Variants in NCOA7 observed in about 807,000 individuals in gnomAD.
NCOA7 encodes the protein nuclear receptor coactivator 7.
A neutral mutation model predicts 104.3 loss-of-function variants in NCOA7; 45 were observed. The ratio of observed to expected loss-of-function variants is 0.43; its 90% CI spans 0.34 to 0.55. The LOEUF (loss-of-function observed/expected upper bound fraction) is 0.55. NCOA7 is among the 20% of genes least tolerant of loss of function. The pLI is 0.02. For synonymous variants in NCOA7, 398 were observed against 402.3 expected (o/e 0.99, Z 0.13); for missense variants, 1,041 against 1,119.7 (o/e 0.93, Z 1.00).
At chr6:125,905,533 A>G (rs1785921107) in intron 10 of NCOA7, among the ~76,000 whole-genome samples, 1 of 152,186 alleles carries the variant, frequency 6.6e-6, no homozygotes, top group Non-Finnish European at 1.5e-5. Flanking sequence ...AAGTGCTGGG[A>G]TTACAGGCGT....
intron 1 of NCOA7, among the ~76,000 whole-genome samples, chr6:125,801,989 A>G (rs1023239256): frequency 3.9e-5 from 6 of 152,194 alleles, no homozygotes; most frequent in Admixed American, 2.0e-4. Context: ...TGTCTTGTCA[A>G]ATGATGCCTT....
intron 2 of NCOA7, among the ~76,000 whole-genome samples, chr6:125,842,556 T>C (rs1268898534): frequency 6.6e-6 from 1 of 152,206 alleles, no homozygotes; most frequent in African/African-American, 2.4e-5. Flanking sequence ...AGGTTTCCTT[T>C]ACTAAGGAAT....
intron 1 of NCOA7, among the ~76,000 whole-genome samples, chr6:125,807,708 G>T (rs1373386180): frequency 1.3e-5 from 2 of 152,156 alleles, no homozygotes; most frequent in Non-Finnish European, 2.9e-5. Context: ...GGCTGATAAG[G>T]GAGGCCTCTA....
At chr6:125,860,951 T>C (rs1040230384) in intron 3 of NCOA7, among the ~76,000 whole-genome samples, 1 of 152,216 alleles carries the variant, frequency 6.6e-6, no homozygotes. Context: ...TTAAGAAAAT[T>C]ATACTTGGGA....
At chr6:125,926,981 C>A (rs1385124099) in intron 13 of NCOA7, among the ~76,000 whole-genome samples, 1 of 152,132 alleles carries the variant, frequency 6.6e-6, no homozygotes, top group Non-Finnish European at 1.5e-5. Context: ...CCCCTTCCAT[C>A]CCCCGATAAG....
intron 13 of NCOA7, 92 bp from the exon 14 acceptor site, chr6:125,927,571 C>T: frequency 1.1e-6 from 1 of 928,504 alleles, no homozygotes. Context: ...TGAAATAGAT[C>T]TCAGAACATG....
intron 2 of NCOA7, among the ~76,000 whole-genome samples, chr6:125,833,941 G>A (rs1208752647): frequency 6.6e-6 from 1 of 152,016 alleles, no homozygotes; most frequent in Non-Finnish European, 1.5e-5. Flanking sequence ...TGATTCTACA[G>A]TGTTGTTTCC....
intron 6 of NCOA7, among the ~76,000 whole-genome samples, chr6:125,882,115 A>G (rs1470379618): frequency 6.6e-6 from 1 of 152,220 alleles, no homozygotes; most frequent in African/African-American, 2.4e-5. Flanking sequence ...CGGCCTCCCA[A>G]AGTGCTGGGA....
At chr6:125,899,957 A>T (rs1202319245) in intron 10 of NCOA7, 1 of 531,544 alleles carries the variant, frequency 1.9e-6, no homozygotes, top group South Asian at 1.4e-5. Context: ...TTTGGAGAAT[A>T]GCTGAGGGTC....
At chr6:125,867,685 G>A (rs1782550839) in intron 3 of NCOA7, among the ~76,000 whole-genome samples, 1 of 152,166 alleles carries the variant, frequency 6.6e-6, no homozygotes, top group Non-Finnish European at 1.5e-5. Context: ...TTGTGGTTTA[G>A]CCTCACATTA....
Position 125,905,016 on chromosome 6 carries a change from A to T in NCOA7, c.2097-10317A>T, listed in dbSNP as rs185576797. On this transcript the variant is annotated intron_variant, in intron 10 of 15. Transcript: ENST00000392477. ...GCAGCAGGTAGCAGCCAGGGTGAGT[A>T]ATTACTAGTAATTCTGTTCACTCAT... Among the ~76,000 whole-genome samples the T allele has an allele frequency of 3.2e-3, 488 of 152,260 alleles. 4 individuals are homozygous for T. The highest frequency in any genetic ancestry group is 4.0e-3 in the Non-Finnish European group (271 of 68,024).
intron 5 of NCOA7, 111 bp from the exon 6 acceptor site, chr6:125,880,979 G>GA (rs1783776864): frequency 4.1e-6 from 3 of 732,368 alleles, no homozygotes; most frequent in Non-Finnish European, 4.9e-6. Context: ...AGCAACCTAG[G>GA]TCGTAATCAT....
intron 10 of NCOA7, among the ~76,000 whole-genome samples, chr6:125,908,276 T>C (rs1305589626): frequency 6.6e-6 from 1 of 152,220 alleles, no homozygotes; most frequent in African/African-American, 2.4e-5. Flanking sequence ...CATCTTCTTG[T>C]TAAACCTAAG....
At chr6:125,910,322 C>T (rs1213297569) in intron 10 of NCOA7, among the ~76,000 whole-genome samples, 1 of 152,184 alleles carries the variant, frequency 6.6e-6, no homozygotes, top group Non-Finnish European at 1.5e-5. Flanking sequence ...TATTAGGAAC[C>T]ACTTATGCCC....
rs778819024 is a variant in NCOA7, at chr6:125,919,374, A to G, written c.2245-1569A>G. The G allele has an allele frequency of 3.7e-6, 6 of 1,612,812 alleles. No homozygotes were observed. The South Asian group carries it at 6.6e-5, about 18-fold the overall frequency. On this transcript the variant is annotated intron_variant, in intron 11 of 15. Coordinates refer to ENST00000392477, the MANE Select transcript of NCOA7 (RefSeq NM_181782.5). ...TGCTCACAATGAGAGGCCAAAGATT[A>G]CCCTTGGACATCCAGATTTTCTATT...
intron 9 of NCOA7, 76 bp from the exon 10 acceptor site, chr6:125,890,565 AT>A (rs1447266788): frequency 1.4e-4 from 197 of 1,396,092 alleles, no homozygotes; most frequent in Admixed American, 2.2e-4. Flanking sequence ...ATTGTGCACT[AT>A]TTTTTTTAAG....
At chr6:125,783,992 C>A (rs961911969) in intron 1 of NCOA7, among the ~76,000 whole-genome samples, 3 of 152,088 alleles carry the variant, frequency 2.0e-5, no homozygotes, top group African/African-American at 7.2e-5. Flanking sequence ...TCTGCTGTTA[C>A]CAAAGTACAG....
At chr6:125,901,993 G>A (rs897893965) in intron 10 of NCOA7, among the ~76,000 whole-genome samples, 1 of 152,152 alleles carries the variant, frequency 6.6e-6, no homozygotes, top group Non-Finnish European at 1.5e-5. Context: ...TTTCCTCTCA[G>A]CATTCAGGCG....
chr6:125,841,212 G>T (rs143077510), intron 2 of NCOA7, among the ~76,000 whole-genome samples: 7 of 151,778 alleles, frequency 4.6e-5, no homozygotes, highest in African/African-American at 1.7e-4. Flanking sequence ...TTTTACACCT[G>T]TTTAGATACA....
Sources: gnomAD v4.1 joint callset for allele counts (sites outside exome capture counted in the v4.1 genomes callset) on GRCh38, gnomAD v4.1.1 for gene constraint, MANE v1.5 for transcripts, NCBI Gene and HGNC (gene_info 2026-07-23, HGNC 2026-07-21) for gene names.